KIF21B: variants seen among roughly 807,000 people sequenced by gnomAD.
KIF21B encodes kinesin family member 21B.
In KIF21B, 85 loss-of-function variants were observed where a neutral mutation model predicts 192.9. That is an observed-to-expected ratio of 0.44 (90% CI 0.37 to 0.53). The LOEUF is 0.53. Among genes scored for constraint, KIF21B ranks in the 20% least tolerant of loss-of-function variants. The pLI is 0.00. For missense variants in KIF21B, 1,716 were observed against 2,194.8 expected, an observed-to-expected ratio of 0.78 and a Z score of 4.36; for synonymous variants, 832 against 884.6, an observed-to-expected ratio of 0.94 and a Z score of 1.05.
rs1478184654 is a variant in KIF21B at position 200,991,054 on chromosome 1, C to A, written c.2550G>T (p.Val850=). The A allele has an allele frequency of 6.2e-7, 1 of 1,614,058 alleles. No individual in the cohort carries two copies. Among genetic ancestry groups the A allele is most frequent in the Non-Finnish European group, 8.5e-7 (1 of 1,180,054 alleles). The change falls in exon 18 of 35, where the codon GTG becomes GTT. Residue 850 remains valine (V), a synonymous_variant. Transcript: ENST00000461742. ...KPPMLDSGAE[V]SASTTSSEAE... ...CCTCAGATGAGGTAGTGCTGGCCGA[C>A]ACCTCAGCCCCAGAGTCCAGCATGG... is the stretch of plus-strand genomic sequence containing the variant.
At chr1:201,005,137 A>G (rs1049002648) in intron 5 of KIF21B, among the ~76,000 whole-genome samples, 171 bp downstream of exon 5, 2 of 152,282 alleles carry the variant, frequency 1.3e-5, no homozygotes, top group African/African-American at 4.8e-5. Context: ...AGAGATCATT[A>G]AGCCATTTTA....
At position 200,998,910 on chromosome 1, in the gene KIF21B, C is replaced by CAGGGCT. The variant is rs1657267331; in HGVS notation, c.1886-341_1886-336dup. Among the ~76,000 whole-genome samples, 1 of 152,152 alleles carries CAGGGCT rather than the reference C, an allele frequency of 6.6e-6. No individual in the cohort carries two copies. The highest frequency in any genetic ancestry group is 6.5e-5 in the Admixed American group (1 of 15,284). On this transcript the variant is annotated intron_variant, in intron 13 of 34. Coordinates refer to ENST00000461742, the MANE Select transcript of KIF21B (RefSeq NM_001252102.2). The surrounding 1 kb of genome is among the most constrained non-coding windows in gnomAD (Gnocchi z 4.3). ...GGGTGAGATGGCTGAGAGCAACTTA[C>CAGGGCT]AGGGCTAGGGCCAGGGCTGGCAGCA...
chr1:201,012,700 G>T (rs1473690989), intron 1 of KIF21B, among the ~76,000 whole-genome samples: 1 of 152,204 alleles, frequency 6.6e-6, no homozygotes, highest in East Asian at 1.9e-4. Context: ...GTGGAATCCA[G>T]TGGTGCAATC....
chr1:200,979,872 CAT>C (rs112827640), intron 29 of KIF21B, among the ~76,000 whole-genome samples, 157 bp from the exon 30 acceptor site: 8 of 152,328 alleles, frequency 5.3e-5, no homozygotes, highest in African/African-American at 1.9e-4. Context: ...AACACATACA[CAT>C]GTGCTCACTG....
chr1:201,020,267 A>G (rs1193528922), intron 1 of KIF21B, among the ~76,000 whole-genome samples: 1 of 152,098 alleles, frequency 6.6e-6, no homozygotes, highest in East Asian at 1.9e-4. Flanking sequence ...TCCTTCCCCA[A>G]TTTCAACTTT....
rs545400055 is a variant in KIF21B, at chr1:200,993,796, A to G, written c.2278-1407T>C. Among the ~76,000 whole-genome samples the G allele has an allele frequency of 2.9e-4, 41 of 142,348 alleles. No individual in the cohort carries two copies. In the Middle Eastern group the frequency reaches 0.014, roughly 49 times the overall value. 93.4% of individuals were successfully genotyped at this position (142,348 alleles called of 152,430 possible). ...AAAAAAAAAAGAGAGAGAAAGAAAAACGAAATGGCATGAGGGAGTGGGCTA... is the reference window on the plus strand; with the variant it reads ...AAAAAAAAAAGAGAGAGAAAGAAAAGCGAAATGGCATGAGGGAGTGGGCTA... On this transcript the variant is annotated intron_variant, in intron 15 of 34. Coordinates refer to ENST00000461742, the MANE Select transcript of KIF21B (RefSeq NM_001252102.2).
At position 201,005,422 on chromosome 1, in the gene KIF21B, C is replaced by T. The variant is rs773929149; in HGVS notation, c.618G>A (p.Gln206=). 1 of 1,609,972 alleles carries T rather than the reference C, an allele frequency of 6.2e-7. No homozygotes were observed. Among genetic ancestry groups the T allele is most frequent in the Non-Finnish European group, 8.5e-7 (1 of 1,177,610 alleles). Residue 206 remains glutamine, a synonymous_variant, in exon 5 of 35, where the codon CAG becomes CAA. Transcript: ENST00000461742. ...TGGCTGTGGTGCGGGACAGGGCCCC[C>T]TGCTTCAGGCACTGGATCAGCTGGA... is the stretch of plus-strand genomic sequence containing the variant. ...SQEELIQCLK[Q]GALSRTTAST...
intron 15 of KIF21B, among the ~76,000 whole-genome samples, chr1:200,994,293 G>A (rs1656906550): frequency 6.6e-6 from 1 of 152,234 alleles, no homozygotes; most frequent in Admixed American, 6.5e-5. Flanking sequence ...CCCCGTGGCT[G>A]CAGGCCCCAC....
chr1:200,988,142 C>A (rs1031938998), intron 24 of KIF21B, among the ~76,000 whole-genome samples, 154 bp downstream of exon 24: 3 of 152,208 alleles, frequency 2.0e-5, no homozygotes, highest in African/African-American at 7.2e-5. Context: ...TGGACAACCC[C>A]CAATTCCAGA....
At chr1:201,007,399 C>T (rs1259981316) in intron 3 of KIF21B, among the ~76,000 whole-genome samples, 1 of 138,074 alleles carries the variant, frequency 7.2e-6, no homozygotes, top group Non-Finnish European at 1.5e-5. Context: ...GACACACACA[C>T]GCAGACACCC....
At chr1:200,984,461 G>C (rs1014213457) in intron 27 of KIF21B, among the ~76,000 whole-genome samples, 4 of 152,158 alleles carry the variant, frequency 2.6e-5, no homozygotes, top group Non-Finnish European at 5.9e-5. Flanking sequence ...TCTTTCTGCT[G>C]GGAGAATGCA....
chr1:201,020,998 G>T (rs1330649764), intron 1 of KIF21B, among the ~76,000 whole-genome samples: 1 of 152,252 alleles, frequency 6.6e-6, no homozygotes, highest in African/African-American at 2.4e-5. Context: ...CTGGCAGGAG[G>T]TAGTGAGCCC....
chr1:201,002,851 T>C (rs559791079), intron 8 of KIF21B: 1 of 156,916 alleles, frequency 6.4e-6, no homozygotes, highest in Admixed American at 6.1e-5. Flanking sequence ...AACTCCCTGA[T>C]TTTCAGAAAG....
At chr1:200,996,484 C>A in intron 14 of KIF21B, 89 bp from the exon 15 acceptor site, 2 of 1,128,846 alleles carry the variant, frequency 1.8e-6, no homozygotes, top group Non-Finnish European at 2.6e-6. Flanking sequence ...CAGGAACCCT[C>A]TGTTCCAGTC....
chr1:200,977,481 C>G (rs1478720397), intron 30 of KIF21B, 105 bp from the exon 31 acceptor site: 2 of 1,356,780 alleles, frequency 1.5e-6, no homozygotes, highest in Non-Finnish European at 2.0e-6. Flanking sequence ...CCTACTTCTT[C>G]CAGGAAGTCT....
chr1:200,983,410 G>T (rs1257067156), intron 27 of KIF21B, among the ~76,000 whole-genome samples: 1 of 152,102 alleles, frequency 6.6e-6, no homozygotes, highest in Non-Finnish European at 1.5e-5. Context: ...CTGTTTGCTG[G>T]TTCCAAGCTC....
intron 7 of KIF21B, 135 bp downstream of exon 7, chr1:201,004,205 A>G (rs975865752): frequency 4.3e-6 from 3 of 690,544 alleles, no homozygotes; most frequent in African/African-American, 3.6e-5. Context: ...CAAGGTTCCT[A>G]CCTCCTAAAC....
At chr1:201,010,253 C>G (rs1658155628) in intron 1 of KIF21B, among the ~76,000 whole-genome samples, 1 of 152,158 alleles carries the variant, frequency 6.6e-6, no homozygotes, top group African/African-American at 2.4e-5. Flanking sequence ...ACCTGCATAG[C>G]TGGGGCTGAC....
Position 200,999,883 on chromosome 1 carries a change from C to T in KIF21B, c.1767G>A (p.Glu589=). The T allele has an allele frequency of 6.2e-7, 1 of 1,613,672 alleles. No homozygotes were observed. The highest frequency in any genetic ancestry group is 8.5e-7 in the Non-Finnish European group (1 of 1,180,010). ...SEETDENEAE[E]EEEERDESGC... ...AGGTGGGGCGGCCCGTGCTCCTCAC[C>T]TCCTCCGCCTCGTTCTCATCCGTCT... The change falls in exon 12 of 35, where the codon GAG becomes GAA. Residue 589 remains glutamate, a splice_region_variant and synonymous_variant. Transcript: ENST00000461742. The surrounding 1 kb of genome is among the most constrained non-coding windows in gnomAD (Gnocchi z 4.7).
Sources: allele counts gnomAD v4.1 joint callset (sites outside exome capture counted in the v4.1 genomes callset), GRCh38; gene constraint gnomAD v4.1.1; non-coding constraint Gnocchi (gnomAD v3.1); transcripts MANE v1.5; gene names NCBI Gene and HGNC (gene_info 2026-07-23, HGNC 2026-07-21).